Variants in AHRR observed in about 807,000 individuals in gnomAD.
AHRR encodes the protein aryl hydrocarbon receptor repressor, also known as ahR repressor.
AHRR carries 28 observed loss-of-function variants against 44.0 expected under a neutral mutation model. The observed-to-expected ratio is 0.64, with a 90% CI of 0.47 to 0.87. The LOEUF (loss-of-function observed/expected upper bound fraction) is 0.87. Among genes scored for constraint, AHRR ranks in the 40% least tolerant of loss-of-function variants. The pLI is 0.00. For missense variants in AHRR, 990 were observed against 953.9 expected (o/e 1.04, Z -0.50); for synonymous variants, 434 against 407.0 (o/e 1.07, Z -0.80).
chr5:345,335 GAT>G (rs1491510707), intron 2 of AHRR, among the ~76,000 whole-genome samples: 666 of 9,984 alleles, frequency 0.067, 11 homozygotes, highest in Non-Finnish European at 0.12. Context: ...TGTGTGTGGG[GAT>G]GTGTGTGTGT....
intron 4 of AHRR, among the ~76,000 whole-genome samples, chr5:390,144 C>T (rs115799373): frequency 0.024 from 3,724 of 152,188 alleles, 147 homozygotes; most frequent in African/African-American, 0.083. Flanking sequence ...TGGCACAACG[C>T]GGGGACTGCA....
intron 1 of AHRR, among the ~76,000 whole-genome samples, chr5:332,929 C>CTTTTTTTTTTTTTTTTTTTTT (rs57937804): frequency 8.3e-5 from 11 of 132,078 alleles, no homozygotes; most frequent in African/African-American, 3.3e-4. Flanking sequence ...TGACCTTTGT[C>CTTTTTTTTTTTTTTTTTTTTT]TTTTTTTTTT....
chr5:427,655 T>G, intron 7 of AHRR, 152 bp from the exon 8 acceptor site: 1 of 1,613,128 alleles, frequency 6.2e-7, no homozygotes, highest in Non-Finnish European at 8.5e-7. Flanking sequence ...GTCACAGGCT[T>G]GGCAGCTGCG....
At position 342,110 on chromosome 5, in the gene AHRR, T is replaced by C. The variant is rs1429449387; in HGVS notation, c.-10-1783T>C. Among the ~76,000 whole-genome samples the C allele has an allele frequency of 6.6e-6, 1 of 152,192 alleles. No individual in the cohort carries two copies. The highest frequency in any genetic ancestry group is 1.5e-5 in the Non-Finnish European group (1 of 68,038). On this transcript the variant is annotated intron_variant, in intron 1 of 10. Transcript: ENST00000684583. The surrounding 1 kb of genome is among the most constrained non-coding windows in gnomAD (Gnocchi z 4.3). The stretch of plus-strand genomic sequence containing the variant: ...AAGGATAGTTTTAAGTCCCAGAATA[T>C]GGTCTGTCTTGGCGAATGTTACATG...
chr5:322,735 A>G (rs1741542386), intron 1 of AHRR: 1 of 152,194 alleles, frequency 6.6e-6, no homozygotes, highest in South Asian at 2.1e-4. Flanking sequence ...TGCCATACCC[A>G]TCCCGCACAA....
At chr5:429,550 A>C (rs1736628287) in intron 8 of AHRR, among the ~76,000 whole-genome samples, 2 of 151,552 alleles carry the variant, frequency 1.3e-5, no homozygotes, top group South Asian at 2.1e-4. Context: ...CTGCTCTGTG[A>C]CTCCGAGACC....
intron 2 of AHRR, among the ~76,000 whole-genome samples, chr5:353,348 C>T (rs977547281): frequency 6.6e-6 from 1 of 152,190 alleles, no homozygotes; most frequent in African/African-American, 2.4e-5. Flanking sequence ...GTGGCATTTT[C>T]TATGCTCACT....
rs1742438554 is a variant in AHRR, at chr5:343,528, C to T, written c.-10-365C>T. The T allele has an allele frequency of 1.7e-5, 5 of 294,676 alleles. No homozygotes were observed. The South Asian group carries it at 1.9e-4, about 11-fold the overall frequency. The allele number at this position is 294,676 out of a possible 1,614,324, so 18.3% of individuals were successfully genotyped here. On this transcript the variant is annotated intron_variant, in intron 1 of 10. Coordinates refer to ENST00000684583, the MANE Select transcript of AHRR (RefSeq NM_001377236.1). The stretch of plus-strand genomic sequence containing the variant: ...GTTTGGAGGCTGCAGGCTGCCCAGG[C>T]CTTGGCTGCGCCCCGCCCCGCCCGT...
chr5:376,559 T>TGAATGAATGAGAGCCGCGG, intron 3 of AHRR, 51 bp from the exon 4 acceptor site: 1 of 241,106 alleles, frequency 4.1e-6, no homozygotes. Context: ...TGAAGAAGAG[T>TGAATGAATGAGAGCCGCGG]GGCCAGGCCA....
intron 4 of AHRR, among the ~76,000 whole-genome samples, chr5:380,597 CTT>C (rs943184258): frequency 1.3e-5 from 2 of 152,090 alleles, no homozygotes; most frequent in Admixed American, 6.5e-5. Flanking sequence ...GTAAATGAGA[CTT>C]TTTTAATTTC....
At chr5:340,684 ATATATTTTTTTT>A (rs201326832) in intron 1 of AHRR, among the ~76,000 whole-genome samples, 2,410 of 25,830 alleles carry the variant, frequency 0.093, 72 homozygotes, top group Non-Finnish European at 0.12. Flanking sequence ...ATATATATAT[ATATATTTTTTTT>A]TTTTTTTTTT....
In AHRR at chr5:334,364, G is replaced by A. The variant is rs1045768923; in HGVS notation, c.-10-9529G>A. Among the ~76,000 whole-genome samples the A allele has an allele frequency of 2.2e-4, 33 of 152,090 alleles. No individual in the cohort carries two copies. The Middle Eastern group carries it at 0.01, about 47-fold the overall frequency. ...AGACCAATAACTTGTAAATTCAGTC[G>A]CTGTATGTAGTCCCAGGTATCTCAC... On this transcript the variant is annotated intron_variant, in intron 1 of 10. Transcript: ENST00000684583.
In AHRR at chr5:432,456, T is replaced by G. The variant is rs1202115696; in HGVS notation, c.909-7T>G. ...ACATGTCACATGTTCATCTGTGTTC[T>G]TCACAGAGTAAAAGCCACCACCAGT... On this transcript the variant is annotated splice_polypyrimidine_tract_variant and splice_region_variant and intron_variant, in intron 8 of 10. Transcript: ENST00000684583. 6.2e-7 allele frequency: 1 copy of G among 1,613,818 alleles called. No individual in the cohort carries two copies. Among genetic ancestry groups the G allele is most frequent in the Non-Finnish European group, 8.5e-7 (1 of 1,179,642 alleles).
intron 4 of AHRR, among the ~76,000 whole-genome samples, chr5:407,740 T>C (rs1359375590): frequency 1.3e-5 from 2 of 152,216 alleles, no homozygotes; most frequent in African/African-American, 2.4e-5. Context: ...GGTTTCACCA[T>C]GTTGGCCAGG....
chr5:373,078 C>T (rs1041981155), intron 3 of AHRR, among the ~76,000 whole-genome samples: 15 of 152,236 alleles, frequency 9.9e-5, no homozygotes, highest in African/African-American at 3.4e-4. Context: ...ACTCTGCAGC[C>T]GTGGGCGGAC....
chr5:421,099 A>C (rs1227581361), intron 5 of AHRR: 1 of 546,464 alleles, frequency 1.8e-6, no homozygotes, highest in Non-Finnish European at 3.2e-6. Context: ...AACATTGGCC[A>C]GAAGGTGCAG....
intron 2 of AHRR, among the ~76,000 whole-genome samples, chr5:345,934 C>G (rs1017070328): frequency 6.6e-6 from 1 of 152,250 alleles, no homozygotes; most frequent in Admixed American, 6.5e-5. Context: ...GAGACCTTAC[C>G]TTGTCCCTCA....
chr5:424,727 C>T (rs773093579), intron 7 of AHRR, among the ~76,000 whole-genome samples: 113 of 152,320 alleles, frequency 7.4e-4, no homozygotes, highest in Non-Finnish European at 1.1e-3. Context: ...GCGTGAGTGG[C>T]TGAGCCCATG....
chr5:351,549 G>A (rs1315374707), intron 2 of AHRR, among the ~76,000 whole-genome samples: 1 of 152,172 alleles, frequency 6.6e-6, no homozygotes, highest in African/African-American at 2.4e-5. Flanking sequence ...TTTAGTAGGA[G>A]GGTCCATGCT....
Sources: allele counts gnomAD v4.1 joint callset (sites outside exome capture counted in the v4.1 genomes callset), GRCh38; gene constraint gnomAD v4.1.1; non-coding constraint Gnocchi (gnomAD v3.1); transcripts MANE v1.5; gene names NCBI Gene and HGNC (gene_info 2026-07-23, HGNC 2026-07-21).